MLLT3: variants seen among roughly 807,000 people sequenced by gnomAD.
MLLT3 encodes MLLT3 super elongation complex subunit.
MLLT3 carries 4 observed loss-of-function variants against 53.2 expected under a neutral mutation model. The observed-to-expected ratio is 0.08, with a 90% CI of 0.04 to 0.17. The LOEUF (loss-of-function observed/expected upper bound fraction) is 0.17, where lower values mean the gene tolerates loss of function less well. MLLT3 is among the 10% of genes least tolerant of loss of function. The pLI is 1.00. For missense variants in MLLT3, 569 were observed against 684.0 expected (o/e 0.83, Z 1.87); for synonymous variants, 283 against 230.6 (o/e 1.23, Z -2.06).
Position 20,343,882 on chromosome 9 carries a change from G to C in MLLT3, c.*2561C>G, listed in dbSNP as rs1820801455. 1 of 206,018 alleles carries C rather than the reference G, an allele frequency of 4.9e-6. No homozygotes were observed. Among genetic ancestry groups the C allele is most frequent in the African/African-American group, 2.3e-5 (1 of 43,894 alleles). 12.8% of individuals were successfully genotyped at this position (206,018 alleles called of 1,614,324 possible). Reference sequence around the variant, plus strand: ...CAGAACTGAAGGGGTTACTTTAAGAGAGGTATTAAAACTACTTGAAATTAA... The same window carrying C: ...CAGAACTGAAGGGGTTACTTTAAGACAGGTATTAAAACTACTTGAAATTAA... On this transcript the variant is annotated 3_prime_UTR_variant, in exon 11 of 11. Coordinates refer to ENST00000380338, the MANE Select transcript of MLLT3 (RefSeq NM_004529.4).
intron 2 of MLLT3, among the ~76,000 whole-genome samples, chr9:20,470,423 C>G (rs1414357106): frequency 6.6e-6 from 1 of 151,920 alleles, no homozygotes; most frequent in Non-Finnish European, 1.5e-5. Flanking sequence ...TGAAAACCCA[C>G]TATCTAATTT....
chr9:20,501,199 C>A (rs1057306108), intron 2 of MLLT3, among the ~76,000 whole-genome samples: 5 of 152,144 alleles, frequency 3.3e-5, no homozygotes, highest in African/African-American at 1.2e-4. Context: ...TATACCATTT[C>A]TAGGACACCT....
chr9:20,374,158 A>G (rs1821690922), intron 5 of MLLT3, among the ~76,000 whole-genome samples: 1 of 152,184 alleles, frequency 6.6e-6, no homozygotes, highest in African/African-American at 2.4e-5. Context: ...CAAGGCAGGA[A>G]GATTGTTTGA....
chr9:20,390,971 G>C (rs1822164418), intron 5 of MLLT3, among the ~76,000 whole-genome samples: 1 of 152,108 alleles, frequency 6.6e-6, no homozygotes, highest in African/African-American at 2.4e-5. Context: ...GGTTAAGTAA[G>C]CAAATTGGGG....
intron 2 of MLLT3, among the ~76,000 whole-genome samples, chr9:20,531,009 T>C (rs116397303): frequency 0.018 from 2,687 of 152,092 alleles, 76 homozygotes; most frequent in African/African-American, 0.06. Flanking sequence ...CATCTACTTA[T>C]ATTTTTAAGA....
intron 2 of MLLT3, among the ~76,000 whole-genome samples, chr9:20,545,030 G>A (rs1032555482): frequency 6.8e-6 from 1 of 146,470 alleles, no homozygotes; most frequent in African/African-American, 2.5e-5. Context: ...AGGAGCTCGA[G>A]GTTACAGAAA....
At chr9:20,615,360 GAAA>G (rs10601830) in intron 2 of MLLT3, among the ~76,000 whole-genome samples, 14,112 of 48,322 alleles carry the variant, frequency 0.29, 1,177 homozygotes, top group African/African-American at 0.33. Context: ...CAGACCATGT[GAAA>G]AAAAAAAAAA....
At position 20,493,535 on chromosome 9, in the gene MLLT3, A is replaced by C. The variant is rs566716647; in HGVS notation, c.194-36749T>G. On this transcript the variant is annotated intron_variant, in intron 2 of 10. Transcript: ENST00000380338. Reference sequence around the variant, plus strand: ...TCTGGCAAGCTATCTTAAAGAAAAAATCTTGACCACAGAAAAGCATTACAC... The same window carrying C: ...TCTGGCAAGCTATCTTAAAGAAAAACTCTTGACCACAGAAAAGCATTACAC... Among the ~76,000 whole-genome samples the C allele has an allele frequency of 2.6e-5, 4 of 152,154 alleles. No individual in the cohort carries two copies. In the South Asian group the frequency reaches 8.3e-4, roughly 32 times the overall value.
intron 2 of MLLT3, among the ~76,000 whole-genome samples, chr9:20,557,386 G>A (rs982460754): frequency 9.9e-5 from 15 of 152,170 alleles, no homozygotes; most frequent in African/African-American, 3.6e-4. Flanking sequence ...TCTTTAAAAT[G>A]GGAATTATAA....
chr9:20,556,291 A>AC (rs1402054325), intron 2 of MLLT3, among the ~76,000 whole-genome samples: 3 of 152,218 alleles, frequency 2.0e-5, no homozygotes, highest in Non-Finnish European at 4.4e-5. Context: ...GGCATAGGAT[A>AC]TTTTTAATTT....
chr9:20,410,428 T>C (rs1160617515), intron 5 of MLLT3: 2 of 152,158 alleles, frequency 1.3e-5, no homozygotes, highest in African/African-American at 4.8e-5. Context: ...TATTATGATC[T>C]CCATTTTATA....
intron 3 of MLLT3, among the ~76,000 whole-genome samples, chr9:20,452,172 A>G (rs1823856211): frequency 6.6e-6 from 1 of 152,222 alleles, no homozygotes; most frequent in South Asian, 2.1e-4. Context: ...AACTCTGAAC[A>G]ACACTTTTTC....
intron 2 of MLLT3, among the ~76,000 whole-genome samples, chr9:20,590,525 T>G (rs1417267971): frequency 6.6e-6 from 1 of 152,214 alleles, no homozygotes; most frequent in Non-Finnish European, 1.5e-5. Flanking sequence ...TCTCTCGTGT[T>G]CATTGTCTGT....
intron 2 of MLLT3, among the ~76,000 whole-genome samples, chr9:20,483,954 G>A (rs1041330700): frequency 2.6e-5 from 4 of 151,210 alleles, no homozygotes; most frequent in East Asian, 3.9e-4. Context: ...CTCATGATCC[G>A]CCCGCCTTGG....
chr9:20,452,599 G>C (rs1041639041), intron 3 of MLLT3, among the ~76,000 whole-genome samples: 1 of 151,920 alleles, frequency 6.6e-6, no homozygotes, highest in Non-Finnish European at 1.5e-5. Context: ...TAAACTCCAG[G>C]GATAAATAAA....
rs1168591355 is a variant in MLLT3 at position 20,620,911 on chromosome 9, T to A, written c.13-77A>T. Reference sequence around the variant, plus strand: ...CGGCAGTGAACGTTGCGCCTGACATTTTTTTCCTCCTTCTTGAAACGCACA... The same window carrying A: ...CGGCAGTGAACGTTGCGCCTGACATATTTTTCCTCCTTCTTGAAACGCACA... On this transcript the variant is annotated intron_variant, in intron 1 of 10. Transcript: ENST00000380338. This position sits in a 1 kb window ranked among gnomAD's most constrained non-coding sequence, Gnocchi z 6.1. 1 of 1,508,070 alleles carries A rather than the reference T, an allele frequency of 6.6e-7. No homozygotes were observed. The highest frequency in any genetic ancestry group is 2.3e-5 in the East Asian group (1 of 44,306). 93.4% of individuals were successfully genotyped at this position (1,508,070 alleles called of 1,614,324 possible).
chr9:20,404,764 C>A (rs1822539674), intron 5 of MLLT3, among the ~76,000 whole-genome samples: 1 of 152,132 alleles, frequency 6.6e-6, no homozygotes, highest in Non-Finnish European at 1.5e-5. Flanking sequence ...CCTTGGCCTC[C>A]CAAAGCACTG....
chr9:20,543,928 T>G (rs1442621212), intron 2 of MLLT3, among the ~76,000 whole-genome samples: 1 of 147,572 alleles, frequency 6.8e-6, no homozygotes, highest in African/African-American at 2.5e-5. Flanking sequence ...CTGCAAAGCG[T>G]AATAAAGTGA....
intron 2 of MLLT3, among the ~76,000 whole-genome samples, chr9:20,474,936 C>G (rs76093391): frequency 0.016 from 2,436 of 152,148 alleles, 55 homozygotes; most frequent in Middle Eastern, 0.071. Context: ...ATGTCCACAT[C>G]CAGGAGTAAA....
Sources: gnomAD v4.1 joint callset for allele counts (sites outside exome capture counted in the v4.1 genomes callset) on GRCh38, gnomAD v4.1.1 for gene constraint, Gnocchi (gnomAD v3.1) non-coding constraint, MANE v1.5 for transcripts, NCBI Gene and HGNC (gene_info 2026-07-23, HGNC 2026-07-21) for gene names.